The following CFL2 variants were observed in gnomAD, a reference collection of about 807,000 sequenced individuals.
CFL2 encodes cofilin-2.
Under a neutral mutation model 19.6 loss-of-function variants are expected in CFL2, and 10 were observed. The ratio of observed to expected loss-of-function variants is 0.51; its 90% confidence interval spans 0.31 to 0.86. The LOEUF is 0.86. CFL2 is among the 40% of genes least tolerant of loss of function. CFL2 has a pLI of 0.04. For missense variants in CFL2, 125 were observed against 192.1 expected, an observed-to-expected ratio of 0.65 and a Z score of 2.06; for synonymous variants, 63 against 66.7, an observed-to-expected ratio of 0.95 and a Z score of 0.27.
In CFL2 at chr14:34,710,572, T is replaced by G. The variant is rs1566522435; in HGVS notation, c.*2293A>C. On this transcript the variant is annotated 3_prime_UTR_variant, in exon 4 of 4. Transcript: ENST00000298159. ...AGCTAACTGGAACATTGATTCATTA[T>G]AAATGATTGTAAAATAAAATGATCA... 2 of 433,514 alleles carry G rather than the reference T, an allele frequency of 4.6e-6. No homozygotes were observed. Among genetic ancestry groups the G allele is most frequent in the East Asian group, 7.0e-5 (1 of 14,204 alleles). 26.9% of individuals were successfully genotyped at this position (433,514 alleles called of 1,614,324 possible).
intron 1 of CFL2, 96 bp from the exon 2 acceptor site, chr14:34,713,657 C>CA (rs1566525625): frequency 6.2e-7 from 1 of 1,613,624 alleles, no homozygotes. Context: ...GTCTGGACAT[C>CA]AAAAATTGCA....
Position 34,712,628 on chromosome 14 carries a change from C to G in CFL2, c.*237G>C, listed in dbSNP as rs1356123512. ...GGAGGCATATAACCAGTTGTTTTGG[C>G]TAAAATATGACAGGAAGGCATTCCT... On this transcript the variant is annotated 3_prime_UTR_variant, in exon 4 of 4. Coordinates refer to ENST00000298159, the MANE Select transcript of CFL2 (RefSeq NM_138638.5). 1 of 636,710 alleles carries G rather than the reference C, an allele frequency of 1.6e-6. No individual in the cohort carries two copies. Among genetic ancestry groups the G allele is most frequent in the Non-Finnish European group, 2.9e-6 (1 of 345,464 alleles). 39.4% of individuals were successfully genotyped at this position (636,710 alleles called of 1,614,324 possible). A position where few individuals can be genotyped will look rare whatever the true frequency, so the allele number is the denominator to read the frequency against.
At position 34,712,180 on chromosome 14, in the gene CFL2, A is replaced by T; in HGVS notation, c.*685T>A. 2.2e-6 allele frequency: 1 copy of T among 454,536 alleles called. No homozygotes were observed. Among genetic ancestry groups the T allele is most frequent in the Admixed American group, 2.3e-5 (1 of 42,562 alleles). The allele number at this position is 454,536 out of a possible 1,614,324, so 28.2% of individuals were successfully genotyped here. A position where few individuals can be genotyped will look rare whatever the true frequency, so the allele number is the denominator to read the frequency against. On this transcript the variant is annotated 3_prime_UTR_variant, in exon 4 of 4. Coordinates refer to ENST00000298159, the MANE Select transcript of CFL2 (RefSeq NM_138638.5). Reference sequence around the variant, plus strand: ...CTCACATGGTAAACATAAAACTCCTACACTTATTCAGTAGTGTACACTCAA... The same window carrying T: ...CTCACATGGTAAACATAAAACTCCTTCACTTATTCAGTAGTGTACACTCAA...
intron 1 of CFL2, 47 bp downstream of exon 1, chr14:34,714,491 G>T: frequency 1.9e-6 from 3 of 1,550,174 alleles, no homozygotes; most frequent in South Asian, 2.4e-5. Context: ...CGTGCGGGGG[G>T]CTTTTCTCGC....
intron 1 of CFL2, chr14:34,713,969 G>T: frequency 1.4e-6 from 1 of 690,470 alleles, no homozygotes. Flanking sequence ...AGTCATCCTA[G>T]CCACTGACGT....
At position 34,712,707 on chromosome 14, in the gene CFL2, G is replaced by A. The variant is rs1885345576; in HGVS notation, c.*158C>T. On this transcript the variant is annotated 3_prime_UTR_variant, in exon 4 of 4. Coordinates refer to ENST00000298159, the MANE Select transcript of CFL2 (RefSeq NM_138638.5). ...AACAGTCTAATGGCAATCACTGATA[G>A]GCTGCTTAAATAAATGATATTTCCT... 1 of 702,732 alleles carries A rather than the reference G, an allele frequency of 1.4e-6. No individual in the cohort carries two copies. The highest frequency in any genetic ancestry group is 2.6e-6 in the Non-Finnish European group (1 of 381,732). The allele number at this position is 702,732 out of a possible 1,614,324, so 43.5% of individuals were successfully genotyped here. A position where few individuals can be genotyped will look rare whatever the true frequency, so the allele number is the denominator to read the frequency against.
chr14:34,714,320 ACGCCCGGGCCCTCCC>A, intron 1 of CFL2: 1 of 649,308 alleles, frequency 1.5e-6, no homozygotes, highest in Non-Finnish European at 2.3e-6. Flanking sequence ...ACCTGCGCCG[ACGCCCGGGCCCTCCC>A]CGCCCCCCAA....
Position 34,713,284 on chromosome 14 carries a change from G to C in CFL2, c.281C>G (p.Ser94Cys). The change falls in exon 2 of 4, where the codon TCT (serine) becomes TGT (cysteine). Residue 94 changes from serine (S) to cysteine (C), a missense_variant. Physicochemically the swap from Ser to Cys is moderately radical, Grantham distance 112. Coordinates refer to ENST00000298159, the MANE Select transcript of CFL2 (RefSeq NM_138638.5). Reference protein sequence around the residue: ...LYDATYETKESKKEDLVFIFW... With the variant: ...LYDATYETKECKKEDLVFIFW... ...TATAAATACTAGGTCTTCTTTCTTAGACTCTTTTGTTTCGTATGTGGCATC... is the reference window on the plus strand; with the variant it reads ...TATAAATACTAGGTCTTCTTTCTTACACTCTTTTGTTTCGTATGTGGCATC... The C allele has an allele frequency of 6.2e-7, 1 of 1,612,166 alleles. No individual in the cohort carries two copies. The highest frequency in any genetic ancestry group is 8.5e-7 in the Non-Finnish European group (1 of 1,179,466).
rs1885307709 is a variant in CFL2 at position 34,711,862 on chromosome 14, T to C, written c.*1003A>G. 1 of 454,208 alleles carries C rather than the reference T, an allele frequency of 2.2e-6. No individual in the cohort carries two copies. The highest frequency in any genetic ancestry group is 4.4e-6 in the Non-Finnish European group (1 of 226,742). The allele number at this position is 454,208 out of a possible 1,614,324, so 28.1% of individuals were successfully genotyped here. A position where few individuals can be genotyped will look rare whatever the true frequency, so the allele number is the denominator to read the frequency against. ...TAGAATACTTTTTAAACCAAATAGA[T>C]CCAACAAATCTGGAAAATATCACAC... On this transcript the variant is annotated 3_prime_UTR_variant, in exon 4 of 4. Coordinates refer to ENST00000298159, the MANE Select transcript of CFL2 (RefSeq NM_138638.5).
In CFL2 at chr14:34,713,142, GAAAAA is replaced by G; in HGVS notation, c.312-11_312-7del. ...AAGGTGCACTTTCAGGAGCCCTACA[GAAAAA>G]AAAAAAATTATTGAATCCCATTTAT... On this transcript the variant is annotated splice_region_variant and splice_polypyrimidine_tract_variant and intron_variant, in intron 2 of 3. Coordinates refer to ENST00000298159, the MANE Select transcript of CFL2 (RefSeq NM_138638.5). 7.2e-7 allele frequency: 1 copy of G among 1,398,050 alleles called. No individual in the cohort carries two copies. Among genetic ancestry groups the G allele is most frequent in the Non-Finnish European group, 9.7e-7 (1 of 1,027,280 alleles). The allele number at this position is 1,398,050 out of a possible 1,614,324, so 86.6% of individuals were successfully genotyped here.
intron 1 of CFL2, chr14:34,713,877 C>T: frequency 6.9e-7 from 1 of 1,446,686 alleles, no homozygotes; most frequent in Non-Finnish European, 9.2e-7. Context: ...AGCAAAAATA[C>T]CTTCTGTATT....
At position 34,712,806 on chromosome 14, in the gene CFL2, A is replaced by T; in HGVS notation, c.*59T>A. The T allele has an allele frequency of 1.0e-6, 1 of 969,910 alleles. No homozygotes were observed. The highest frequency in any genetic ancestry group is 1.7e-6 in the Non-Finnish European group (1 of 591,092). 60.1% of individuals were successfully genotyped at this position (969,910 alleles called of 1,614,324 possible). On this transcript the variant is annotated 3_prime_UTR_variant, in exon 4 of 4. Coordinates refer to ENST00000298159, the MANE Select transcript of CFL2 (RefSeq NM_138638.5). ...AAAACCAAAACCTAATACTATTCCAATGGACTGAGCTGGAGAAATGGAAGC... is the reference window on the plus strand; with the variant it reads ...AAAACCAAAACCTAATACTATTCCATTGGACTGAGCTGGAGAAATGGAAGC...
rs996449344 is a variant in CFL2, at chr14:34,712,554, C to A, written c.*311G>T. 5.9e-5 allele frequency: 30 copies of A among 505,416 alleles called. No homozygotes were observed. Among genetic ancestry groups the A allele is most frequent in the Non-Finnish European group, 5.0e-5 (13 of 261,184 alleles). 31.3% of individuals were successfully genotyped at this position (505,416 alleles called of 1,614,324 possible). A position where few individuals can be genotyped will look rare whatever the true frequency, so the allele number is the denominator to read the frequency against. ...CAATTAGCTTATCCTTTGCAGTATT[C>A]TAAGCTATTCACATTGACGATCACA... On this transcript the variant is annotated 3_prime_UTR_variant, in exon 4 of 4. Transcript: ENST00000298159.
rs1164494066 is a variant in CFL2 at position 34,712,477 on chromosome 14, A to G, written c.*388T>C. The G allele has an allele frequency of 2.2e-6, 1 of 458,186 alleles. No homozygotes were observed. The highest frequency in any genetic ancestry group is 4.4e-6 in the Non-Finnish European group (1 of 229,374). 28.4% of individuals were successfully genotyped at this position (458,186 alleles called of 1,614,324 possible). On this transcript the variant is annotated 3_prime_UTR_variant, in exon 4 of 4. Coordinates refer to ENST00000298159, the MANE Select transcript of CFL2 (RefSeq NM_138638.5). Reference sequence around the variant, plus strand: ...CTGCAATCAAGTGCCAACTATAAATAATACTGAAAAAAGTTGACCATCTGA... The same window carrying G: ...CTGCAATCAAGTGCCAACTATAAATGATACTGAAAAAAGTTGACCATCTGA...
At chr14:34,713,024 G>C (rs761839341) in intron 3 of CFL2, 36 bp downstream of exon 3, 1 of 1,547,834 alleles carries the variant, frequency 6.5e-7, no homozygotes, top group Non-Finnish European at 8.8e-7. Flanking sequence ...AATTAATAAA[G>C]AATAATTTCT....
Position 34,710,778 on chromosome 14 carries a change from G to T in CFL2, c.*2087C>A, listed in dbSNP as rs1885258441. On this transcript the variant is annotated 3_prime_UTR_variant, in exon 4 of 4. Coordinates refer to ENST00000298159, the MANE Select transcript of CFL2 (RefSeq NM_138638.5). ...CAATATTTAATCTCTGAAATTACTA[G>T]AGGCATACAAGAAAGTTAAGGAATC... The T allele has an allele frequency of 2.2e-6, 1 of 451,746 alleles. No homozygotes were observed. The highest frequency in any genetic ancestry group is 4.4e-6 in the Non-Finnish European group (1 of 226,178). 28.0% of individuals were successfully genotyped at this position (451,746 alleles called of 1,614,324 possible). A position where few individuals can be genotyped will look rare whatever the true frequency, so the allele number is the denominator to read the frequency against.
chr14:34,713,636 G>T, intron 1 of CFL2, 75 bp from the exon 2 acceptor site: 1 of 1,613,886 alleles, frequency 6.2e-7, no homozygotes, highest in South Asian at 1.1e-5. Context: ...GCCTAGAGAA[G>T]ACTCACTTTA....
In CFL2 at chr14:34,711,667, A is replaced by C. The variant is rs1157607043; in HGVS notation, c.*1198T>G. 2.2e-6 allele frequency: 1 copy of C among 445,052 alleles called. No homozygotes were observed. 27.6% of individuals were successfully genotyped at this position (445,052 alleles called of 1,614,324 possible). ...TTAGAAATGTAAATGTGAATAAAAA[A>C]ATAACTATGCTAATTTATCCAGAGA... On this transcript the variant is annotated 3_prime_UTR_variant, in exon 4 of 4. Transcript: ENST00000298159.
chr14:34,714,304 C>T lies in CFL2; in HGVS notation c.3+234G>A, dbSNP rs78458323. 0.17 allele frequency: 99,491 copies of T among 574,036 alleles called. 12,591 individuals are homozygous for T. Among genetic ancestry groups the T allele is most frequent in the East Asian group, 0.63 (17,006 of 27,016 alleles). The allele number at this position is 574,036 out of a possible 1,614,324, so 35.6% of individuals were successfully genotyped here. A position where few individuals can be genotyped will look rare whatever the true frequency, so the allele number is the denominator to read the frequency against. ...CGCGCCCCCGCCCGCCCGGCCCCGA[C>T]CCCCAACCTGCGCCGACGCCCGGGC... On this transcript the variant is annotated intron_variant, in intron 1 of 3. Transcript: ENST00000298159.
Sources: allele counts gnomAD v4.1 joint callset, GRCh38; gene constraint gnomAD v4.1.1; transcripts MANE v1.5; gene names NCBI Gene and HGNC (gene_info 2026-07-23, HGNC 2026-07-21).